Variants in POLE observed in about 807,000 individuals in gnomAD.
The protein encoded by POLE is DNA polymerase epsilon catalytic subunit A.
In POLE, 188 loss-of-function variants were observed where a neutral mutation model predicts 279.2. The observed-to-expected ratio is 0.67, with a 90% CI of 0.60 to 0.76. The LOEUF (loss-of-function observed/expected upper bound fraction) is 0.76. Ranked by LOEUF, POLE falls within the 30% of genes least tolerant of loss-of-function variation. POLE has a pLI of 0.00. For synonymous variants in POLE, 1,214 were observed against 1,172.5 expected (o/e 1.04, Z -0.72); for missense variants, 2,703 against 3,016.7 (o/e 0.90, Z 2.44).
At chr12:132,632,869 G>A (rs2041963331) in intron 43 of POLE, 74 bp from the exon 44 acceptor site, 30 of 1,492,404 alleles carry the variant, frequency 2.0e-5, no homozygotes, top group Non-Finnish European at 2.3e-5. Context: ...GGGGACCCAT[G>A]GCTGGTCAGA....
chr12:132,630,219 G>C (rs1290799837), intron 45 of POLE, among the ~76,000 whole-genome samples: 1 of 152,224 alleles, frequency 6.6e-6, no homozygotes, highest in African/African-American at 2.4e-5. Context: ...GTGAGCACAT[G>C]CTGTTGGAAA....
chr12:132,660,836 C>A (rs2042661905), intron 25 of POLE, 133 bp downstream of exon 25: 2 of 621,090 alleles, frequency 3.2e-6, no homozygotes, highest in South Asian at 2.8e-5. Context: ...CTCAGGAGGT[C>A]TTGGGATTTC....
intron 39 of POLE, chr12:132,641,347 C>G (rs143864457): frequency 1.4e-3 from 657 of 460,886 alleles, no homozygotes; most frequent in Non-Finnish European, 2.2e-3. Flanking sequence ...GGCTGGAGAT[C>G]CCTGTGATGT....
chr12:132,669,421 A>G (rs1010478025), intron 16 of POLE, among the ~76,000 whole-genome samples: 2 of 151,886 alleles, frequency 1.3e-5, no homozygotes, highest in Non-Finnish European at 2.9e-5. Context: ...CCCAGATTGC[A>G]CCACTGCACT....
rs374210113 is a variant in POLE at position 132,648,953 on chromosome 12, C to T, written c.4125G>A (p.Ala1375=). ...CCTTGCGATACGAAGCACCCTCCTC[C>T]GCTTTAGCGACTCGCTGGTTCACGT... ...VFYVNQRVAK[A]EEGASYRKVN... The change falls in exon 32 of 49, where the codon GCG becomes GCA. Residue 1375 remains alanine (A), a synonymous_variant. Coordinates refer to ENST00000320574, the MANE Select transcript of POLE (RefSeq NM_006231.4). The T allele has an allele frequency of 1.2e-5, 20 of 1,613,674 alleles. No homozygotes were observed. Among genetic ancestry groups the T allele is most frequent in the South Asian group, 6.6e-5 (6 of 91,064 alleles).
Position 132,624,600 on chromosome 12 carries a change from A to G in POLE, c.*97T>C, listed in dbSNP as rs2041791072. ...CCTGGGGTCACAGGTTTGGACAGTC[A>G]GGGTGGTCAGTGGTCTGGTCACTGG... On this transcript the variant is annotated 3_prime_UTR_variant, in exon 49 of 49. Coordinates refer to ENST00000320574, the MANE Select transcript of POLE (RefSeq NM_006231.4). 2 of 788,858 alleles carry G rather than the reference A, an allele frequency of 2.5e-6. No homozygotes were observed. Among genetic ancestry groups the G allele is most frequent in the African/African-American group, 1.7e-5 (1 of 59,354 alleles). The allele number at this position is 788,858 out of a possible 1,614,324, so 48.9% of individuals were successfully genotyped here.
At chr12:132,665,484 A>C (rs111897547) in intron 20 of POLE, 34 bp from the exon 21 acceptor site, 1 of 1,579,318 alleles carries the variant, frequency 6.3e-7, no homozygotes, top group African/African-American at 1.3e-5. Flanking sequence ...CACCTCACAG[A>C]TTCTTCCATT....
At chr12:132,628,387 A>G (rs528485944) in intron 45 of POLE, among the ~76,000 whole-genome samples, 4 of 152,112 alleles carry the variant, frequency 2.6e-5, no homozygotes, top group Admixed American at 6.5e-5. Context: ...TTGTGCCTGT[A>G]ATCCCAGCAC....
In POLE at chr12:132,623,864, G is replaced by A. The variant is rs958457712; in HGVS notation, c.*833C>T. On this transcript the variant is annotated 3_prime_UTR_variant, in exon 49 of 49. Transcript: ENST00000320574. ...AAGGCTGGCTCTGGGCCAAAGACAC[G>A]AGCCTCCTGGGGAGCCTGTGGGGCC... is the stretch of plus-strand genomic sequence containing the variant. The A allele has an allele frequency of 5.1e-6, 1 of 194,618 alleles. No individual in the cohort carries two copies. The highest frequency in any genetic ancestry group is 1.1e-5 in the Non-Finnish European group (1 of 93,422). The allele number at this position is 194,618 out of a possible 1,614,324, so 12.1% of individuals were successfully genotyped here.
intron 20 of POLE, 128 bp from the exon 21 acceptor site, chr12:132,665,578 T>A (rs957245589): frequency 2.9e-6 from 3 of 1,030,302 alleles, no homozygotes; most frequent in Non-Finnish European, 4.1e-6. Context: ...ACCAGTACAA[T>A]GAAGAGTGTA....
intron 45 of POLE, among the ~76,000 whole-genome samples, chr12:132,627,472 G>A (rs184971073): frequency 1.3e-5 from 2 of 152,188 alleles, no homozygotes; most frequent in African/African-American, 4.8e-5. Context: ...GGTAATGTTT[G>A]TAATCGTTGT....
chr12:132,686,220 T>A (rs949356705), intron 1 of POLE, among the ~76,000 whole-genome samples: 3 of 152,014 alleles, frequency 2.0e-5, no homozygotes, highest in African/African-American at 7.2e-5. Flanking sequence ...CCGGTCATGT[T>A]TACCGTTTGC....
At position 132,643,389 on chromosome 12, in the gene POLE, G is replaced by C. The variant is rs780605858; in HGVS notation, c.4444+18C>G. 1 of 1,614,092 alleles carries C rather than the reference G, an allele frequency of 6.2e-7. No homozygotes were observed. The highest frequency in any genetic ancestry group is 1.3e-5 in the African/African-American group (1 of 74,946). On this transcript the variant is annotated intron_variant, in intron 34 of 48. Coordinates refer to ENST00000320574, the MANE Select transcript of POLE (RefSeq NM_006231.4). ...TGTGGGAGGCAGGCACATGATGGGC[G>C]GCTGGTGCAGGCCATACCTGGTTCC...
intron 8 of POLE, 84 bp downstream of exon 8, chr12:132,677,279 G>C: frequency 1.1e-6 from 1 of 946,410 alleles, no homozygotes; most frequent in East Asian, 2.4e-5. Context: ...ATATCTTTGA[G>C]TCAGATTCAC....
intron 32 of POLE, among the ~76,000 whole-genome samples, chr12:132,645,818 A>AT (rs1181468822): frequency 6.8e-6 from 1 of 146,398 alleles, no homozygotes; most frequent in East Asian, 2.0e-4. Flanking sequence ...ACACACACAA[A>AT]ATCAAAGAAA....
intron 39 of POLE, 93 bp downstream of exon 39, chr12:132,641,554 C>T: frequency 9.4e-7 from 1 of 1,059,882 alleles, no homozygotes; most frequent in Non-Finnish European, 1.4e-6. Context: ...AAGGGAAGCC[C>T]AATGGACCCT....
At chr12:132,677,857 C>A in intron 6 of POLE, 138 bp from the exon 7 acceptor site, 1 of 808,272 alleles carries the variant, frequency 1.2e-6, no homozygotes. Context: ...GTGGTTTCAA[C>A]GACCAAGGCA....
At chr12:132,669,561 A>G (rs1262030974) in intron 16 of POLE, among the ~76,000 whole-genome samples, 1 of 152,254 alleles carries the variant, frequency 6.6e-6, no homozygotes, top group Non-Finnish European at 1.5e-5. Context: ...ATTACAAGGA[A>G]TAACATCTAT....
chr12:132,639,781 G>A lies in POLE; in HGVS notation c.5379-483C>T, dbSNP rs1427566256. On this transcript the variant is annotated intron_variant, in intron 39 of 48. Transcript: ENST00000320574. The surrounding 1 kb of genome is among the most constrained non-coding windows in gnomAD (Gnocchi z 4.7). ...AACCTGGCCAACATGGTGAAACCCCGTCTCTATTAAAAATACAAAAATTAG... is the reference window on the plus strand; with the variant it reads ...AACCTGGCCAACATGGTGAAACCCCATCTCTATTAAAAATACAAAAATTAG... Among the ~76,000 whole-genome samples, 3 of 152,160 alleles carry A rather than the reference G, an allele frequency of 2.0e-5. No homozygotes were observed. Among genetic ancestry groups the A allele is most frequent in the East Asian group, 1.9e-4 (1 of 5,158 alleles).
Sources: gnomAD v4.1 joint callset for allele counts (sites outside exome capture counted in the v4.1 genomes callset) on GRCh38, gnomAD v4.1.1 for gene constraint, Gnocchi (gnomAD v3.1) non-coding constraint, MANE v1.5 for transcripts, NCBI Gene and HGNC (gene_info 2026-07-23, HGNC 2026-07-21) for gene names.